CPPED1: variants seen among roughly 807,000 people sequenced by gnomAD.
CPPED1 encodes serine/threonine-protein phosphatase CPPED1.
In CPPED1, 28 loss-of-function variants were observed where a neutral mutation model predicts 28.0. The observed-to-expected ratio is 1.00, with a 90% CI of 0.74 to 1.37. The LOEUF (loss-of-function observed/expected upper bound fraction) is 1.37, where lower values mean the gene tolerates loss of function less well. Ranked by LOEUF, CPPED1 falls within the 40% of genes most tolerant of loss-of-function variation. The pLI is 0.00. For synonymous variants in CPPED1, 198 were observed against 180.2 expected, an observed-to-expected ratio of 1.10 and a Z score of -0.79; for missense variants, 504 against 416.5, an observed-to-expected ratio of 1.21 and a Z score of -1.83.
intron 3 of CPPED1, among the ~76,000 whole-genome samples, chr16:12,697,725 G>C (rs2079999387): frequency 6.6e-6 from 1 of 152,110 alleles, no homozygotes; most frequent in Admixed American, 6.5e-5. Flanking sequence ...TTGCTACAGA[G>C]ACCATAGAGC....
chr16:12,681,392 A>T (rs927248097), intron 3 of CPPED1, among the ~76,000 whole-genome samples: 6 of 152,142 alleles, frequency 3.9e-5, no homozygotes, highest in African/African-American at 1.4e-4. Context: ...CTCACCAGAT[A>T]CAGCCCCTTG....
intron 3 of CPPED1, among the ~76,000 whole-genome samples, chr16:12,700,869 G>A (rs543862141): frequency 2.6e-5 from 4 of 152,282 alleles, no homozygotes; most frequent in African/African-American, 9.6e-5. Context: ...GACAAGTGCT[G>A]GGATAAGAGA....
intron 3 of CPPED1, among the ~76,000 whole-genome samples, chr16:12,696,389 G>A (rs944229247): frequency 6.6e-6 from 1 of 151,164 alleles, no homozygotes; most frequent in Non-Finnish European, 1.5e-5. Flanking sequence ...CAACAAACAC[G>A]CCCTTAGTGA....
intron 2 of CPPED1, among the ~76,000 whole-genome samples, chr16:12,731,210 G>A (rs2080195413): frequency 6.7e-6 from 1 of 149,752 alleles, no homozygotes; most frequent in Non-Finnish European, 1.5e-5. Context: ...CTGGAGTGCA[G>A]TGGCGCGATC....
chr16:12,724,014 T>C (rs939460764), intron 2 of CPPED1, among the ~76,000 whole-genome samples: 1 of 152,132 alleles, frequency 6.6e-6, no homozygotes, highest in Non-Finnish European at 1.5e-5. Flanking sequence ...AAGCCCTTCA[T>C]GGTGCATGGT....
intron 1 of CPPED1, among the ~76,000 whole-genome samples, chr16:12,786,173 C>T (rs891781101): frequency 4.6e-5 from 7 of 152,204 alleles, no homozygotes; most frequent in African/African-American, 1.2e-4. Flanking sequence ...CCTTATTCCT[C>T]CAGGTGTGAC....
In CPPED1 at chr16:12,803,210, G is replaced by A. The variant is rs139126458; in HGVS notation, c.70+497C>T. Among the ~76,000 whole-genome samples the A allele has an allele frequency of 2.6e-3, 396 of 152,346 alleles. 1 individual carries two copies. Among genetic ancestry groups the A allele is most frequent in the African/African-American group, 8.6e-3 (358 of 41,594 alleles). The stretch of plus-strand genomic sequence containing the variant: ...CCCTCTCTACTGCTCTGATGGGGCA[G>A]TGTTACCATTTCGGTGAATGACTTA... On this transcript the variant is annotated intron_variant, in intron 1 of 3. Coordinates refer to ENST00000381774, the MANE Select transcript of CPPED1 (RefSeq NM_018340.3).
At chr16:12,672,188 GA>G (rs2079856037) in intron 3 of CPPED1, among the ~76,000 whole-genome samples, 1 of 152,178 alleles carries the variant, frequency 6.6e-6, no homozygotes, top group South Asian at 2.1e-4. Context: ...CTTCTTATTA[GA>G]ATTTGAACAG....
At chr16:12,739,837 G>A (rs918853431) in intron 2 of CPPED1, among the ~76,000 whole-genome samples, 2 of 152,148 alleles carry the variant, frequency 1.3e-5, no homozygotes, top group Non-Finnish European at 2.9e-5. Context: ...TTAGGTGTCA[G>A]TGGTACTGCC....
intron 3 of CPPED1, among the ~76,000 whole-genome samples, chr16:12,702,531 C>CAA (rs372911339): frequency 1.3e-5 from 2 of 149,046 alleles, no homozygotes; most frequent in African/African-American, 4.9e-5. Context: ...AAGCAAGACT[C>CAA]TCAATCAATC....
chr16:12,718,205 T>A (rs1174071356), intron 2 of CPPED1, among the ~76,000 whole-genome samples: 1 of 152,076 alleles, frequency 6.6e-6, no homozygotes, highest in Non-Finnish European at 1.5e-5. Flanking sequence ...CTTGGCCACG[T>A]TTTTCTTGAT....
intron 3 of CPPED1, among the ~76,000 whole-genome samples, chr16:12,675,613 C>G (rs941615555): frequency 1.1e-4 from 17 of 152,194 alleles, no homozygotes; most frequent in Non-Finnish European, 2.5e-4. Flanking sequence ...TGATACTAAA[C>G]ACTGGCCTTC....
intron 2 of CPPED1, among the ~76,000 whole-genome samples, chr16:12,751,269 A>G (rs2080326770): frequency 6.6e-6 from 1 of 152,222 alleles, no homozygotes. Context: ...GTGTTCCAGC[A>G]GAGTGTTCTT....
At position 12,709,144 on chromosome 16, in the gene CPPED1, G is replaced by C. The variant is rs562430092; in HGVS notation, c.290-4095C>G. ...GCCAACCTCACCAGCATCATGAACAGAAAAAACAGAAACCTGCCCAAGGAC... is the reference window on the plus strand; with the variant it reads ...GCCAACCTCACCAGCATCATGAACACAAAAAACAGAAACCTGCCCAAGGAC... On this transcript the variant is annotated intron_variant, in intron 2 of 3. Coordinates refer to ENST00000381774, the MANE Select transcript of CPPED1 (RefSeq NM_018340.3). The surrounding 1 kb of genome is among the most constrained non-coding windows in gnomAD (Gnocchi z 4.4). Among the ~76,000 whole-genome samples the C allele has an allele frequency of 4.8e-4, 73 of 152,226 alleles. No individual in the cohort carries two copies. The highest frequency in any genetic ancestry group is 1.7e-3 in the African/African-American group (71 of 41,536).
intron 2 of CPPED1, among the ~76,000 whole-genome samples, chr16:12,751,603 G>C (rs1299863915): frequency 1.3e-5 from 2 of 152,114 alleles, no homozygotes; most frequent in Admixed American, 1.3e-4. Context: ...GGAAGTCCCG[G>C]GTCCCAGGAA....
chr16:12,707,698 A>C (rs1189921444), intron 2 of CPPED1, among the ~76,000 whole-genome samples: 1 of 152,200 alleles, frequency 6.6e-6, no homozygotes, highest in Non-Finnish European at 1.5e-5. Context: ...TTGTCTAGGA[A>C]GCAACCAACA....
At chr16:12,715,641 C>G (rs1567284405) in intron 2 of CPPED1, among the ~76,000 whole-genome samples, 1 of 152,160 alleles carries the variant, frequency 6.6e-6, no homozygotes, top group Non-Finnish European at 1.5e-5. Flanking sequence ...GCCTGAGCAA[C>G]AGAGCGAGAC....
intron 3 of CPPED1, among the ~76,000 whole-genome samples, chr16:12,671,728 A>T (rs1295166620): frequency 2.0e-5 from 3 of 152,170 alleles, no homozygotes; most frequent in African/African-American, 7.2e-5. Flanking sequence ...ATAATGCTGT[A>T]TTTTCACTGT....
At chr16:12,799,968 T>C (rs2080649467) in intron 1 of CPPED1, among the ~76,000 whole-genome samples, 1 of 152,098 alleles carries the variant, frequency 6.6e-6, no homozygotes, top group African/African-American at 2.4e-5. Flanking sequence ...TATCATCAAG[T>C]CTCTCTCCAG....
Sources: gnomAD v4.1 joint callset for allele counts (sites outside exome capture counted in the v4.1 genomes callset) on GRCh38, gnomAD v4.1.1 for gene constraint, Gnocchi (gnomAD v3.1) non-coding constraint, MANE v1.5 for transcripts, NCBI Gene and HGNC (gene_info 2026-07-23, HGNC 2026-07-21) for gene names.